The following DNAJC24 variants were observed in gnomAD, a reference collection of about 807,000 sequenced individuals.
DNAJC24 encodes the protein DnaJ heat shock protein family (Hsp40) member C24, also known as dnaJ homolog subfamily C member 24.
DNAJC24 carries 17 observed loss-of-function variants against 18.0 expected under a neutral mutation model. The observed-to-expected ratio is 0.94, with a 90% CI of 0.65 to 1.42. DNAJC24 has a LOEUF of 1.42. DNAJC24 is among the 40% of genes most tolerant of loss of function. The pLI is 0.00. For missense variants in DNAJC24, 158 were observed against 175.6 expected (o/e 0.90, Z 0.57); for synonymous variants, 55 against 57.7 (o/e 0.95, Z 0.21).
intron 2 of DNAJC24, among the ~76,000 whole-genome samples, chr11:31,383,572 G>A (rs887863000): frequency 9.9e-5 from 15 of 152,168 alleles, no homozygotes; most frequent in African/African-American, 3.6e-4. Flanking sequence ...CTTTGGATCT[G>A]GACACCTATG....
At chr11:31,419,329 C>A (rs1027090513) in intron 3 of DNAJC24, among the ~76,000 whole-genome samples, 3 of 151,854 alleles carry the variant, frequency 2.0e-5, no homozygotes, top group South Asian at 2.1e-4. Flanking sequence ...GCAGAAAATC[C>A]ATCTTGACAG....
At chr11:31,416,456 G>A (rs1952752396) in intron 3 of DNAJC24, 1 of 152,122 alleles carries the variant, frequency 6.6e-6, no homozygotes, top group African/African-American at 2.4e-5. Context: ...AAGCCACTAC[G>A]CTCTACTGAA....
chr11:31,414,743 AT>A (rs1333913782), intron 2 of DNAJC24, 67 bp from the exon 3 acceptor site: 2 of 1,484,028 alleles, frequency 1.3e-6, no homozygotes, highest in Non-Finnish European at 9.0e-7. Flanking sequence ...CAGATTTACA[AT>A]TTTTTTAAAT....
At chr11:31,403,358 A>G (rs1435232460) in intron 2 of DNAJC24, among the ~76,000 whole-genome samples, 1 of 152,178 alleles carries the variant, frequency 6.6e-6, no homozygotes, top group Non-Finnish European at 1.5e-5. Flanking sequence ...AACCTCCTCT[A>G]TGGCTTATAT....
intron 2 of DNAJC24, among the ~76,000 whole-genome samples, chr11:31,399,939 G>A (rs1201754697): frequency 6.6e-6 from 1 of 152,054 alleles, no homozygotes; most frequent in Non-Finnish European, 1.5e-5. Context: ...AGGCCCTGGT[G>A]TGTGTTGTTC....
At chr11:31,382,230 T>G (rs1952384220) in intron 2 of DNAJC24, among the ~76,000 whole-genome samples, 1 of 152,180 alleles carries the variant, frequency 6.6e-6, no homozygotes, top group Non-Finnish European at 1.5e-5. Context: ...AGTCATGGCT[T>G]TGGGCCTCAC....
Position 31,375,322 on chromosome 11 carries a change from A to T in DNAJC24, c.111+4463A>T, listed in dbSNP as rs938103911. Among the ~76,000 whole-genome samples, 11 of 135,024 alleles carry T rather than the reference A, an allele frequency of 8.1e-5. 1 individual carries two copies. Among genetic ancestry groups the T allele is most frequent in the African/African-American group, 2.7e-4 (11 of 40,208 alleles). The allele number at this position is 135,024 out of a possible 152,430, so 88.6% of individuals were successfully genotyped here. ...GATTCTCACTCACTGTTTCAAAATG[A>T]TCTTAGTTGTAATCGTGCCTCCCCA... On this transcript the variant is annotated intron_variant, in intron 2 of 4. Transcript: ENST00000465995.
intron 2 of DNAJC24, among the ~76,000 whole-genome samples, chr11:31,411,770 A>G (rs1191446706): frequency 6.6e-6 from 1 of 152,340 alleles, no homozygotes; most frequent in South Asian, 2.1e-4. Flanking sequence ...CAACGTAATC[A>G]TATCTGTGAA....
At chr11:31,372,132 T>C in intron 2 of DNAJC24, among the ~76,000 whole-genome samples, 1 of 152,136 alleles carries the variant, frequency 6.6e-6, no homozygotes, top group African/African-American at 2.4e-5. Context: ...CGACTCTTTT[T>C]TTTTTAAATG....
At chr11:31,374,668 A>C (rs1019804676) in intron 2 of DNAJC24, among the ~76,000 whole-genome samples, 4 of 134,246 alleles carry the variant, frequency 3.0e-5, no homozygotes, top group African/African-American at 5.0e-5. Context: ...AGGGCTAACC[A>C]TTTTTTTAGT....
At chr11:31,370,112 T>G (rs1356049100) in intron 1 of DNAJC24, among the ~76,000 whole-genome samples, 200 bp downstream of exon 1, 1 of 152,142 alleles carries the variant, frequency 6.6e-6, no homozygotes, top group Non-Finnish European at 1.5e-5. Flanking sequence ...CGTGGAAGAC[T>G]GGGGCATCCT....
intron 2 of DNAJC24, among the ~76,000 whole-genome samples, chr11:31,395,744 A>G (rs1309016198): frequency 6.6e-6 from 1 of 152,172 alleles, no homozygotes; most frequent in Non-Finnish European, 1.5e-5. Flanking sequence ...TTAGTGGTGA[A>G]TGTGGACAAA....
chr11:31,404,998 T>A (rs2133489270), intron 2 of DNAJC24, among the ~76,000 whole-genome samples: 1 of 152,138 alleles, frequency 6.6e-6, no homozygotes, highest in South Asian at 2.1e-4. Context: ...AGAATTGGTA[T>A]GTGAAACATT....
intron 2 of DNAJC24, among the ~76,000 whole-genome samples, chr11:31,403,144 TG>T: frequency 6.6e-6 from 1 of 151,964 alleles, no homozygotes; most frequent in Non-Finnish European, 1.5e-5. Flanking sequence ...TGTGTGTGTG[TG>T]TGTGTGTGTG....
In DNAJC24 at chr11:31,371,764, T is replaced by G. The variant is rs190188886; in HGVS notation, c.111+905T>G. Among the ~76,000 whole-genome samples the G allele has an allele frequency of 5.4e-4, 82 of 151,976 alleles. 1 individual carries two copies. Among genetic ancestry groups the G allele is most frequent in the Non-Finnish European group, 7.9e-4 (54 of 67,938 alleles). On this transcript the variant is annotated intron_variant, in intron 2 of 4. Coordinates refer to ENST00000465995, the MANE Select transcript of DNAJC24 (RefSeq NM_181706.5). ...CCGGCATTTATACTTACATTATATT[T>G]CTATTGGGTAATGCTGATTTAGACC...
rs541850798 is a variant in DNAJC24, at chr11:31,394,191, C to T, written c.112-20620C>T. Among the ~76,000 whole-genome samples, 10 of 152,056 alleles carry T rather than the reference C, an allele frequency of 6.6e-5. No homozygotes were observed. In the South Asian group the frequency reaches 8.3e-4, roughly 13 times the overall value. On this transcript the variant is annotated intron_variant, in intron 2 of 4. Coordinates refer to ENST00000465995, the MANE Select transcript of DNAJC24 (RefSeq NM_181706.5). ...TACACTAATTGGGAGCCATTTGAAA[C>T]GGCAAAATTGCCAACAAAAAGTACA...
At chr11:31,383,904 T>C (rs1006781669) in intron 2 of DNAJC24, among the ~76,000 whole-genome samples, 2 of 152,238 alleles carry the variant, frequency 1.3e-5, no homozygotes, top group African/African-American at 4.8e-5. Context: ...CCCTCTATAA[T>C]GTATGTAATT....
In DNAJC24 at chr11:31,430,676, G is replaced by C. The variant is rs1952913863; in HGVS notation, c.*275G>C. ...ACTTTATTATGTCATTTTTTTCCAT[G>C]ACACAAAATAAGAATTTTCTTAATA... On this transcript the variant is annotated 3_prime_UTR_variant, in exon 5 of 5. Transcript: ENST00000465995. The C allele has an allele frequency of 5.9e-6, 1 of 169,480 alleles. No individual in the cohort carries two copies. Among genetic ancestry groups the C allele is most frequent in the Non-Finnish European group, 1.3e-5 (1 of 79,878 alleles). 10.5% of individuals were successfully genotyped at this position (169,480 alleles called of 1,614,324 possible).
intron 2 of DNAJC24, chr11:31,407,363 A>G (rs571667098): frequency 2.8e-4 from 43 of 152,340 alleles, no homozygotes; most frequent in African/African-American, 9.1e-4. Context: ...TTACGTGTTT[A>G]CTGTAAAGAA....
Sources: allele counts gnomAD v4.1 joint callset (sites outside exome capture counted in the v4.1 genomes callset), GRCh38; gene constraint gnomAD v4.1.1; transcripts MANE v1.5; gene names NCBI Gene and HGNC (gene_info 2026-07-23, HGNC 2026-07-21).